PLAAT5: variants seen among roughly 807,000 people sequenced by gnomAD.
The protein encoded by PLAAT5 is Ca(2+)-independent N-acyltransferase.
In PLAAT5, 27 loss-of-function variants were observed where a neutral mutation model predicts 27.8. The ratio of observed to expected loss-of-function variants is 0.97; its 90% CI spans 0.72 to 1.34. PLAAT5 has a LOEUF of 1.34. PLAAT5 is among the 40% of genes most tolerant of loss of function. The pLI is 0.00. For synonymous variants in PLAAT5, 125 were observed against 136.1 expected (o/e 0.92, Z 0.57); for missense variants, 368 against 343.8 (o/e 1.07, Z -0.56).
Position 63,490,960 on chromosome 11 carries a change from G to T in PLAAT5, c.75C>A (p.Pro25=). The change falls in exon 1 of 6, where the codon CCC becomes CCA. Residue 25 remains proline, a synonymous_variant. Transcript: ENST00000540857. ...LPRIPPPLPK[P]ASRTASTGPK... is the part of the protein sequence containing the mutation. ...GCCCGGTACTGGCGGTTCGCGAGGC[G>T]GGTTTGGGGAGGGGTGGGGGAATCC... The T allele has an allele frequency of 6.3e-7, 1 of 1,593,430 alleles. No homozygotes were observed. Among genetic ancestry groups the T allele is most frequent in the East Asian group, 2.3e-5 (1 of 43,256 alleles).
chr11:63,489,253 A>C (rs1441843301), intron 2 of PLAAT5, among the ~76,000 whole-genome samples: 2 of 152,216 alleles, frequency 1.3e-5, no homozygotes, highest in Non-Finnish European at 2.9e-5. Flanking sequence ...ATGTTTATCA[A>C]AGTGATACTT....
rs774073712 is a variant in PLAAT5, at chr11:63,466,256, C to G, written c.571G>C (p.Asp191His). 1.1e-5 allele frequency: 17 copies of G among 1,614,074 alleles called. No individual in the cohort carries two copies. The highest frequency in any genetic ancestry group is 5.9e-6 in the Non-Finnish European group (7 of 1,180,060). Residue 191 changes from aspartate (D) to histidine (H), a missense_variant, in exon 5 of 6, where the codon GAT becomes CAT. By Grantham distance (81) the Asp-to-His change is moderately conservative. Transcript: ENST00000540857. ...ACCGGCAAGGGCAGGTACGTCCCAT[C>G]TAGCTTGTTATTGACCTTCCAGGAG... ...GCSWKVNNKL[D>H]GTYLPLPVDK...
intron 3 of PLAAT5, among the ~76,000 whole-genome samples, chr11:63,474,454 T>C (rs751400954): frequency 6.6e-6 from 1 of 152,210 alleles, no homozygotes; most frequent in African/African-American, 2.4e-5. Flanking sequence ...GTTGTCTAAT[T>C]TGTTTGCTTA....
intron 4 of PLAAT5, among the ~76,000 whole-genome samples, chr11:63,467,537 CT>C (rs2015895923): frequency 6.6e-6 from 1 of 152,092 alleles, no homozygotes; most frequent in Non-Finnish European, 1.5e-5. Context: ...GACCAAAGGC[CT>C]TTGGTATAGT....
Position 63,463,534 on chromosome 11 carries a change from T to C in PLAAT5, c.779A>G (p.Asp260Gly). 6.2e-7 allele frequency: 1 copy of C among 1,613,928 alleles called. No homozygotes were observed. Residue 260 changes from aspartate to glycine, a missense_variant, in exon 6 of 6, where the codon GAT becomes GGT. Physicochemically the swap from Asp to Gly is moderately conservative, Grantham distance 94. Coordinates refer to ENST00000540857, the MANE Select transcript of PLAAT5 (RefSeq NM_001146729.2). ...AAGAVISAVV[D>G]SIKPKPITA ...AGTTATTGGTTTGGGCTTTATGCTA[T>C]CCACTACAGCTGAAATAACTGCTCC...
Position 63,491,135 on chromosome 11 carries a change from T to TCC in PLAAT5, c.-102_-101insGG, listed in dbSNP as rs992460569. On this transcript the variant is annotated 5_prime_UTR_variant, in exon 1 of 6. Transcript: ENST00000540857. The stretch of plus-strand genomic sequence containing the variant: ...CCCTGGTCGGCGGAGCCGCGGAAGC[T>TCC]TGGGCACTGGGGGCGGCTCGGGGAG... 2.8e-6 allele frequency: 3 copies of TCC among 1,087,156 alleles called. No homozygotes were observed. In the African/African-American group the frequency reaches 5.0e-5, roughly 18 times the overall value. The allele number at this position is 1,087,156 out of a possible 1,614,324, so 67.3% of individuals were successfully genotyped here.
Position 63,463,564 on chromosome 11 carries a change from GCCTTCGCT to G in PLAAT5, c.741_748del (p.Ala248CysfsTer11), listed in dbSNP as rs1343362187. The stretch of plus-strand genomic sequence containing the variant: ...TACAGCTGAAATAACTGCTCCAGCA[GCCTTCGCT>G]CCTTCCATCAGGGCGTGCTCTACCT... On this transcript the variant is annotated frameshift_variant, in exon 6 of 6. Coordinates refer to ENST00000540857, the MANE Select transcript of PLAAT5 (RefSeq NM_001146729.2). LOFTEE classifies it low-confidence loss of function (END_TRUNC). 3 of 1,613,666 alleles carry G rather than the reference GCCTTCGCT, an allele frequency of 1.9e-6. No individual in the cohort carries two copies. Among genetic ancestry groups the G allele is most frequent in the Non-Finnish European group, 2.5e-6 (3 of 1,180,010 alleles).
chr11:63,490,498 G>T, intron 1 of PLAAT5, 165 bp from the exon 2 acceptor site: 1 of 1,078,852 alleles, frequency 9.3e-7, no homozygotes, highest in Non-Finnish European at 1.4e-6. Context: ...GTGGAACTAG[G>T]TGCTGGAGCG....
intron 3 of PLAAT5, chr11:63,470,772 G>C (rs778928037): frequency 3.3e-5 from 5 of 152,122 alleles, no homozygotes; most frequent in Non-Finnish European, 5.9e-5. Flanking sequence ...ATGTGGAAAA[G>C]CCATTGCTAT....
At chr11:63,473,349 G>A (rs1277839578) in intron 3 of PLAAT5, among the ~76,000 whole-genome samples, 1 of 152,126 alleles carries the variant, frequency 6.6e-6, no homozygotes, top group Non-Finnish European at 1.5e-5. Context: ...TACATGTAAT[G>A]CTATTGCAAA....
At chr11:63,490,437 G>A (rs1305811812) in intron 1 of PLAAT5, 104 bp from the exon 2 acceptor site, 2 of 1,584,318 alleles carry the variant, frequency 1.3e-6, no homozygotes, top group African/African-American at 2.7e-5. Flanking sequence ...CTAGCATCGT[G>A]CCTGGCCCCT....
chr11:63,464,604 C>T (rs959490569), intron 5 of PLAAT5, among the ~76,000 whole-genome samples: 1 of 151,876 alleles, frequency 6.6e-6, no homozygotes, highest in Non-Finnish European at 1.5e-5. Flanking sequence ...TGCAGTGAGC[C>T]GAGATCACGC....
chr11:63,481,013 T>C (rs544234781), intron 3 of PLAAT5, among the ~76,000 whole-genome samples: 186 of 152,352 alleles, frequency 1.2e-3, no homozygotes, highest in African/African-American at 4.4e-3. Context: ...TGTCTTTCAT[T>C]TCCATAAGTT....
intron 3 of PLAAT5, among the ~76,000 whole-genome samples, chr11:63,478,382 G>A (rs148806851): frequency 0.017 from 2,595 of 151,630 alleles, 74 homozygotes; most frequent in African/African-American, 0.059. Context: ...GTGCAGTGGC[G>A]CGATCTCAGC....
chr11:63,477,177 T>C (rs1226970949), intron 3 of PLAAT5, among the ~76,000 whole-genome samples: 4 of 152,336 alleles, frequency 2.6e-5, no homozygotes, highest in East Asian at 3.9e-4. Context: ...ATTTGCTACA[T>C]GCAACATGTA....
At position 63,468,357 on chromosome 11, in the gene PLAAT5, T is replaced by G. The variant is rs201212349; in HGVS notation, c.454A>C (p.Ser152Arg). 7.5e-6 allele frequency: 12 copies of G among 1,606,806 alleles called. No homozygotes were observed. The highest frequency in any genetic ancestry group is 8.5e-6 in the Non-Finnish European group (10 of 1,173,432). The change falls in exon 4 of 6, where the codon AGT becomes CGT. Residue 152 changes from serine to arginine, a missense_variant and splice_region_variant. By Grantham distance (110) the Ser-to-Arg change is moderately radical. Coordinates refer to ENST00000540857, the MANE Select transcript of PLAAT5 (RefSeq NM_001146729.2). Reference sequence around the variant, plus strand: ...ATTTCAATAGACTATTCACTCTTACTTGGGGGAGCCAGATGGACCACGCAA... The same window carrying G: ...ATTTCAATAGACTATTCACTCTTACGTGGGGGAGCCAGATGGACCACGCAA... ...DDCVVHLAPP[S>R]EEFEVGSITS...
intron 3 of PLAAT5, among the ~76,000 whole-genome samples, chr11:63,481,890 A>T (rs1445967053): frequency 6.6e-6 from 1 of 152,122 alleles, no homozygotes; most frequent in Non-Finnish European, 1.5e-5. Context: ...GGAACATCAC[A>T]CACCAGGGAC....
intron 5 of PLAAT5, among the ~76,000 whole-genome samples, chr11:63,465,278 C>CA (rs1465005126): frequency 1.4e-5 from 2 of 147,910 alleles, no homozygotes; most frequent in Admixed American, 6.7e-5. Flanking sequence ...AACTCTGTCT[C>CA]AAAAAAAAGA....
chr11:63,462,985 A>G lies in PLAAT5; in HGVS notation c.*518T>C, dbSNP rs1160500175. On this transcript the variant is annotated 3_prime_UTR_variant, in exon 6 of 6. Coordinates refer to ENST00000540857, the MANE Select transcript of PLAAT5 (RefSeq NM_001146729.2). ...TAGATTAAGGTACCATGGGCCCTGAATAACGAATCTCAGTTTTTCTTAAGG... is the reference window on the plus strand; with the variant it reads ...TAGATTAAGGTACCATGGGCCCTGAGTAACGAATCTCAGTTTTTCTTAAGG... 2 of 152,538 alleles carry G rather than the reference A, an allele frequency of 1.3e-5. No homozygotes were observed. Among genetic ancestry groups the G allele is most frequent in the East Asian group, 3.9e-4 (2 of 5,194 alleles). The allele number at this position is 152,538 out of a possible 1,614,324, so 9.4% of individuals were successfully genotyped here. A position where few individuals can be genotyped will look rare whatever the true frequency, so the allele number is the denominator to read the frequency against.
Sources: gnomAD v4.1 joint callset for allele counts (sites outside exome capture counted in the v4.1 genomes callset) on GRCh38, gnomAD v4.1.1 for gene constraint, MANE v1.5 for transcripts, NCBI Gene and HGNC (gene_info 2026-07-23, HGNC 2026-07-21) for gene names.